The following CD63 variants were observed in gnomAD, a reference collection of about 807,000 sequenced individuals.
The protein encoded by CD63 is CD63 antigen.
Under a neutral mutation model 29.2 loss-of-function variants are expected in CD63, and 16 were observed. The ratio of observed to expected loss-of-function variants is 0.55; its 90% CI spans 0.37 to 0.83. CD63 has a LOEUF of 0.83. CD63 is among the 40% of genes least tolerant of loss of function. The probability of loss-of-function intolerance (pLI) is 0.00; values close to 1 mark genes in which losing one functional copy is unlikely to be tolerated. For synonymous variants in CD63, 118 were observed against 111.7 expected, an observed-to-expected ratio of 1.06 and a Z score of -0.36; for missense variants, 251 against 297.3, an observed-to-expected ratio of 0.84 and a Z score of 1.15.
upstream of CD63, chr12:55,729,038 T>G (rs2136156727): frequency 1.0e-6 from 1 of 985,066 alleles, no homozygotes; most frequent in South Asian, 4.7e-5. Flanking sequence ...CCGCCCCGCC[T>G]GCCGCGCGGC....
downstream of CD63, chr12:55,724,162 G>A: frequency 6.8e-7 from 1 of 1,472,936 alleles, no homozygotes; most frequent in Non-Finnish European, 9.3e-7. Flanking sequence ...GGTTGAGGGT[G>A]AACAGGATGT....
chr12:55,725,267 T>G (rs1315664340), downstream of CD63: 2 of 474,330 alleles, frequency 4.2e-6, no homozygotes, highest in African/African-American at 3.9e-5. Context: ...AGCATAAGAC[T>G]AGGGGGCAGA....
At position 55,726,881 on chromosome 12, in the gene CD63, C is replaced by T. The variant is rs776483633; in HGVS notation, c.330+9G>A. On this transcript the variant is annotated intron_variant, in intron 4 of 7. Coordinates refer to ENST00000257857, the MANE Select transcript of CD63 (RefSeq NM_001780.6). ...CTGAGGCAGGCCCTTCCCATTATTC[C>T]CTGCTTACCTTATCTCTAAACACAT... The T allele has an allele frequency of 1.9e-6, 3 of 1,613,770 alleles. No homozygotes were observed. Among genetic ancestry groups the T allele is most frequent in the Non-Finnish European group, 2.5e-6 (3 of 1,179,692 alleles).
downstream of CD63, chr12:55,723,849 G>A (rs752873945): frequency 6.2e-7 from 1 of 1,609,680 alleles, no homozygotes; most frequent in South Asian, 1.1e-5. Flanking sequence ...TCCCTATAGG[G>A]CAAGAACCCA....
In CD63 at chr12:55,726,142, G is replaced by C. The variant is rs138802238; in HGVS notation, c.546C>G (p.Asn182Lys). 1.2e-5 allele frequency: 19 copies of C among 1,613,684 alleles called. No homozygotes were observed. Among genetic ancestry groups the C allele is most frequent in the African/African-American group, 2.7e-5 (2 of 74,726 alleles). ...NVTVGCGINFNEKAIHKEGCV... is the reference protein window; with the variant it reads ...NVTVGCGINFKEKAIHKEGCV... ...CTACCTCCTTATGGATCGCCTTCTC[G>C]TTGAAATTAATCCCACAGCCCACAG... Residue 182 changes from asparagine (N) to lysine (K), a missense_variant, in exon 6 of 8, where the codon AAC becomes AAG. Asn to Lys is a moderately conservative substitution (Grantham distance 94). Coordinates refer to ENST00000257857, the MANE Select transcript of CD63 (RefSeq NM_001780.6).
intron 2 of CD63, chr12:55,727,955 G>A: frequency 8.3e-7 from 1 of 1,203,686 alleles, no homozygotes; most frequent in Non-Finnish European, 1.0e-6. Context: ...AGAGCGAAGG[G>A]AAGCCCCATG....
intron 2 of CD63, 71 bp from the exon 3 acceptor site, chr12:55,727,410 G>T (rs772257): frequency 4.3e-5 from 61 of 1,414,244 alleles, no homozygotes; most frequent in Non-Finnish European, 5.7e-5. Context: ...AGGGCAGGGG[G>T]TACACCTAGG....
At position 55,726,184 on chromosome 12, in the gene CD63, G is replaced by A. The variant is rs772389251; in HGVS notation, c.504C>T (p.Ser168=). ...PSMSKNRVPD[S]CCINVTVGCG... Reference sequence around the variant, plus strand: ...AGCCCACAGTAACATTAATGCAGCAGGAGTCGGGGACTCGGTTCTTCGACA... The same window carrying A: ...AGCCCACAGTAACATTAATGCAGCAAGAGTCGGGGACTCGGTTCTTCGACA... Residue 168 remains serine (S), a synonymous_variant, in exon 6 of 8, where the codon TCC becomes TCT. Coordinates refer to ENST00000257857, the MANE Select transcript of CD63 (RefSeq NM_001780.6). The A allele has an allele frequency of 1.1e-5, 17 of 1,613,974 alleles. No individual in the cohort carries two copies. The highest frequency in any genetic ancestry group is 7.6e-6 in the Non-Finnish European group (9 of 1,179,964).
intron 3 of CD63, 81 bp from the exon 4 acceptor site, chr12:55,727,045 C>T: frequency 6.4e-7 from 1 of 1,566,792 alleles, no homozygotes; most frequent in Non-Finnish European, 8.8e-7. Context: ...TCCCTGGACA[C>T]TCACAAAGGT....
Position 55,728,785 on chromosome 12 carries a change from C to T in CD63, c.-12+168G>A. The T allele has an allele frequency of 3.0e-6, 3 of 995,084 alleles. No individual in the cohort carries two copies. Among genetic ancestry groups the T allele is most frequent in the South Asian group, 8.6e-5 (2 of 23,346 alleles). The allele number at this position is 995,084 out of a possible 1,614,324, so 61.6% of individuals were successfully genotyped here. A position where few individuals can be genotyped will look rare whatever the true frequency, so the allele number is the denominator to read the frequency against. ...AAAAAAAAAAAAGTGCAGCCAGCAC[C>T]CCCGCCACACCCTGCCCGGGCCCAG... is the stretch of plus-strand genomic sequence containing the variant. On this transcript the variant is annotated intron_variant, in intron 1 of 7. Transcript: ENST00000257857. This position sits in a 1 kb window ranked among gnomAD's most constrained non-coding sequence, Gnocchi z 4.8.
intron 7 of CD63, 79 bp downstream of exon 7, chr12:55,725,734 C>A (rs1303133969): frequency 5.9e-6 from 9 of 1,528,674 alleles, no homozygotes; most frequent in Non-Finnish European, 8.2e-6. Flanking sequence ...ACCTCCTGTT[C>A]AGCACCCTCC....
At position 55,726,779 on chromosome 12, in the gene CD63, T is replaced by C. The variant is rs536118823; in HGVS notation, c.347A>G (p.Asn116Ser). The C allele has an allele frequency of 4.3e-6, 7 of 1,613,776 alleles. No homozygotes were observed. The African/African-American group carries it at 9.3e-5, about 22-fold the overall frequency. ...CTCCATCTGCTGCCGGAAGTTGTTA[T>C]TAAACTCTGACATCACCTGAGAGTA... is the stretch of plus-strand genomic sequence containing the variant. ...VFRDKVMSEF[N>S]NNFRQQMENY... is the part of the protein sequence containing the mutation. The change falls in exon 5 of 8, where the codon AAT (asparagine) becomes AGT (serine). Residue 116 changes from asparagine to serine, a missense_variant. Transcript: ENST00000257857.
At chr12:55,723,632 C>A (rs887128689), downstream of CD63, 8 of 506,982 alleles carry the variant, frequency 1.6e-5, no homozygotes, top group Non-Finnish European at 2.9e-5. Context: ...CTTGGCCTGC[C>A]ATGCTTAAAA....
In CD63 at chr12:55,725,507, C is replaced by G. The variant is rs563710906; in HGVS notation, c.*54G>C. On this transcript the variant is annotated 3_prime_UTR_variant, in exon 8 of 8. Transcript: ENST00000257857. ...AAAAATAATCCGTTTAATTGAAAAA[C>G]CTGGAGGATACTATTCCACTCCCCC... 18 of 1,382,692 alleles carry G rather than the reference C, an allele frequency of 1.3e-5. No homozygotes were observed. In the African/African-American group the frequency reaches 2.0e-4, roughly 15 times the overall value. 85.7% of individuals were successfully genotyped at this position (1,382,692 alleles called of 1,614,324 possible). A position where few individuals can be genotyped will look rare whatever the true frequency, so the allele number is the denominator to read the frequency against.
chr12:55,725,891 A>G lies in CD63; in HGVS notation c.573T>C (p.Cys191=). Residue 191 remains cysteine (C), a synonymous_variant, in exon 7 of 8, where the codon TGT becomes TGC. Transcript: ENST00000257857. ...TCAGCCAGCCCCCAATCTTCTCCACACAGCCCTGAAGGTGGCAGGCACAAA... is the reference window on the plus strand; with the variant it reads ...TCAGCCAGCCCCCAATCTTCTCCACGCAGCCCTGAAGGTGGCAGGCACAAA... ...FNEKAIHKEG[C]VEKIGGWLRK... is the part of the protein sequence containing the mutation. 3.7e-6 allele frequency: 6 copies of G among 1,613,840 alleles called. No individual in the cohort carries two copies. The highest frequency in any genetic ancestry group is 5.1e-6 in the Non-Finnish European group (6 of 1,179,882).
rs1479149125 is a variant in CD63, at chr12:55,728,415, T to A, written c.-11-63A>T. On this transcript the variant is annotated intron_variant, in intron 1 of 7. Coordinates refer to ENST00000257857, the MANE Select transcript of CD63 (RefSeq NM_001780.6). The surrounding 1 kb of genome is among the most constrained non-coding windows in gnomAD (Gnocchi z 4.8). ...CGAAGGGGGACCTCGGTTTCCGGGCTCCCGGCCGGCCCTCGAGGGCTTCCC... is the reference window on the plus strand; with the variant it reads ...CGAAGGGGGACCTCGGTTTCCGGGCACCCGGCCGGCCCTCGAGGGCTTCCC... 21 of 1,553,502 alleles carry A rather than the reference T, an allele frequency of 1.4e-5. No individual in the cohort carries two copies. Among genetic ancestry groups the A allele is most frequent in the Non-Finnish European group, 1.8e-5 (21 of 1,149,546 alleles).
rs1877730487 is a variant in CD63, at chr12:55,728,995, G to C, written c.-54C>G. 4 of 985,356 alleles carry C rather than the reference G, an allele frequency of 4.1e-6. No homozygotes were observed. Among genetic ancestry groups the C allele is most frequent in the Non-Finnish European group, 4.8e-6 (4 of 830,038 alleles). 61.0% of individuals were successfully genotyped at this position (985,356 alleles called of 1,614,324 possible). A position where few individuals can be genotyped will look rare whatever the true frequency, so the allele number is the denominator to read the frequency against. On this transcript the variant is annotated 5_prime_UTR_variant, in exon 1 of 8. Coordinates refer to ENST00000257857, the MANE Select transcript of CD63 (RefSeq NM_001780.6). The surrounding 1 kb of genome is among the most constrained non-coding windows in gnomAD (Gnocchi z 4.8). ...GGCTGCGCGTTCCTCTCCCGCCGCG[G>C]CTCCGGGGCTCTCTAGCTGCGCCCC...
At chr12:55,726,619 A>T in intron 5 of CD63, 81 bp downstream of exon 5, 1 of 1,121,706 alleles carries the variant, frequency 8.9e-7, no homozygotes, top group Non-Finnish European at 1.4e-6. Context: ...TGCTGAGATT[A>T]CAGGCGTGAG....
At position 55,727,319 on chromosome 12, in the gene CD63, A is replaced by G. The variant is rs772847145; in HGVS notation, c.87T>C (p.Ile29=). The change falls in exon 3 of 8, where the codon ATT becomes ATC. Residue 29 remains isoleucine (I), a synonymous_variant. Coordinates refer to ENST00000257857, the MANE Select transcript of CD63 (RefSeq NM_001780.6). Reference sequence around the variant, plus strand: ...CAAGCTGTGCCCCGACACCCACGGCAATCAGTCCCACTGCACAGGCCTAAG... The same window carrying G: ...CAAGCTGTGCCCCGACACCCACGGCGATCAGTCCCACTGCACAGGCCTAAG... ...LAFCACAVGL[I]AVGVGAQLVL... is the part of the protein sequence containing the mutation. The G allele has an allele frequency of 1.4e-5, 22 of 1,613,650 alleles. No homozygotes were observed. In the South Asian group the frequency reaches 2.3e-4, roughly 17 times the overall value.
Sources: allele counts gnomAD v4.1 joint callset, GRCh38; gene constraint gnomAD v4.1.1; non-coding constraint Gnocchi (gnomAD v3.1); transcripts MANE v1.5; gene names NCBI Gene and HGNC (gene_info 2026-07-23, HGNC 2026-07-21).